Variants in CASK observed in about 807,000 individuals in gnomAD.
The protein encoded by CASK is calcium/calmodulin dependent serine protein kinase, also known as peripheral plasma membrane protein CASK.
Under a neutral mutation model 82.9 loss-of-function variants are expected in CASK, and 4 were observed. The observed-to-expected ratio is 0.05, with a 90% CI of 0.02 to 0.11. CASK has a LOEUF of 0.11. CASK is among the 10% of genes least tolerant of loss of function. The probability of loss-of-function intolerance (pLI) is 1.00; values close to 1 mark genes in which losing one functional copy is unlikely to be tolerated. For missense variants in CASK, 358 were observed against 720.9 expected, an observed-to-expected ratio of 0.50 and a Z score of 5.76; for synonymous variants, 259 against 253.5, an observed-to-expected ratio of 1.02 and a Z score of -0.20.
intron 1 of CASK, among the ~76,000 whole-genome samples, chrX:41,916,696 AT>A (rs1358501024): frequency 8.9e-6 from 1 of 111,817 alleles, no homozygotes; most frequent in Non-Finnish European, 1.9e-5. Context: ...CAATCTCCGT[AT>A]TTTTATCACA....
chrX:41,683,318 C>A (rs1474457309), intron 5 of CASK: 1 of 111,202 alleles, frequency 9.0e-6, no homozygotes, highest in South Asian at 3.9e-4. Context: ...GGTGGTACCC[C>A]CCTCCCGGGA....
chrX:41,788,094 T>C (rs2069649739), intron 2 of CASK, among the ~76,000 whole-genome samples: 1 of 105,381 alleles, frequency 9.5e-6, no homozygotes, highest in Admixed American at 1.0e-4. Context: ...GAGGCAGAAG[T>C]TGCAGTGAGC....
intron 1 of CASK, among the ~76,000 whole-genome samples, chrX:41,885,777 G>A (rs748658131): frequency 1.8e-5 from 2 of 111,761 alleles, no homozygotes; most frequent in East Asian, 5.6e-4. Flanking sequence ...CCAGGGTGGA[G>A]GGAGCACAAA....
intron 1 of CASK, among the ~76,000 whole-genome samples, chrX:41,861,597 T>C (rs1354577363): frequency 1.9e-5 from 2 of 107,277 alleles, no homozygotes; most frequent in African/African-American, 6.8e-5. Flanking sequence ...TTTACCTCAT[T>C]TCCCCAATGA....
intron 9 of CASK, among the ~76,000 whole-genome samples, chrX:41,627,295 A>G (rs1444020648): frequency 6.2e-5 from 7 of 112,421 alleles, no homozygotes. Flanking sequence ...AGCTATATGC[A>G]TAGCCTCCCC....
At chrX:41,805,981 C>T (rs2070115471) in intron 2 of CASK, among the ~76,000 whole-genome samples, 1 of 111,506 alleles carries the variant, frequency 9.0e-6, no homozygotes. Flanking sequence ...GGCTAGTACC[C>T]CCACAGCCCC....
intron 3 of CASK, among the ~76,000 whole-genome samples, chrX:41,753,904 A>C (rs977326129): frequency 5.4e-5 from 6 of 111,986 alleles, no homozygotes; most frequent in Non-Finnish European, 9.4e-5. Flanking sequence ...TAAATAAATA[A>C]ATTTTAAAGC....
intron 1 of CASK, among the ~76,000 whole-genome samples, chrX:41,862,601 C>T (rs993829872): frequency 9.6e-6 from 1 of 104,674 alleles, no homozygotes; most frequent in Non-Finnish European, 2.0e-5. Flanking sequence ...TTTGGTACTG[C>T]TAGCATGAAA....
At chrX:41,666,261 T>C (rs1357453429) in intron 6 of CASK, among the ~76,000 whole-genome samples, 1 of 112,063 alleles carries the variant, frequency 8.9e-6, no homozygotes, top group East Asian at 2.8e-4. Context: ...GTAAGGAATC[T>C]GATACTAGCT....
At chrX:41,541,616 A>G (rs1258058453) in intron 22 of CASK, among the ~76,000 whole-genome samples, 1 of 112,519 alleles carries the variant, frequency 8.9e-6, no homozygotes, top group Admixed American at 9.4e-5. Context: ...ACTCACATTC[A>G]TTCCACATTA....
At chrX:41,777,467 C>T (rs887501953) in intron 3 of CASK, among the ~76,000 whole-genome samples, 4 of 99,014 alleles carry the variant, frequency 4.0e-5, no homozygotes, top group Non-Finnish European at 8.0e-5. Flanking sequence ...CCAGCCTGGG[C>T]GACAGAGCGA....
intron 3 of CASK, among the ~76,000 whole-genome samples, chrX:41,750,411 T>C (rs1363959497): frequency 8.9e-6 from 1 of 111,857 alleles, no homozygotes; most frequent in African/African-American, 3.2e-5. Flanking sequence ...TCTCTTTGGC[T>C]TCCCATCTTG....
intron 20 of CASK, among the ~76,000 whole-genome samples, chrX:41,554,858 T>C (rs1398598628): frequency 2.7e-5 from 3 of 112,230 alleles, no homozygotes; most frequent in Non-Finnish European, 5.6e-5. Flanking sequence ...TATTTCAAGA[T>C]AAAAATCCCA....
At chrX:41,821,882 A>G (rs747784200) in intron 2 of CASK, among the ~76,000 whole-genome samples, 69 of 112,019 alleles carry the variant, frequency 6.2e-4, no homozygotes, top group African/African-American at 2.2e-3. Context: ...AAAGTCTCTC[A>G]GTCAACAGCC....
At position 41,711,275 on chromosome X, in the gene CASK, T is replaced by C. The variant is rs150827645; in HGVS notation, c.429+28109A>G. On this transcript the variant is annotated intron_variant, in intron 5 of 26. Coordinates refer to ENST00000378163, the MANE Select transcript of CASK (RefSeq NM_001367721.1). ...AGCTGGTGTCAACTGCAGAATTGCT[T>C]GCTTGCTTGTTGGTTGGGGAGAAAT... 3.9e-3 allele frequency among the ~76,000 whole-genome samples: 438 copies of C among 111,996 alleles called. 2 individuals are homozygous for C. Among genetic ancestry groups the C allele is most frequent in the African/African-American group, 0.014 (425 of 30,871 alleles).
chrX:41,817,738 T>C (rs1162284859), intron 2 of CASK, among the ~76,000 whole-genome samples: 1 of 111,180 alleles, frequency 9.0e-6, no homozygotes, highest in Non-Finnish European at 1.9e-5. Flanking sequence ...TGTATTTATA[T>C]ATTCCAGAAG....
intron 1 of CASK, among the ~76,000 whole-genome samples, chrX:41,893,600 T>C (rs1167211875): frequency 9.0e-6 from 1 of 111,650 alleles, no homozygotes; most frequent in Non-Finnish European, 1.9e-5. Flanking sequence ...AAGCAGAAAG[T>C]GAAAGCCAAG....
chrX:41,728,139 A>G, intron 5 of CASK: 1 of 393,914 alleles, frequency 2.5e-6, no homozygotes, highest in Non-Finnish European at 4.3e-6. Context: ...GTTGACAATA[A>G]TCACCAAGAA....
At chrX:41,533,683 G>T (rs1159703585) in intron 24 of CASK, among the ~76,000 whole-genome samples, 1 of 111,902 alleles carries the variant, frequency 8.9e-6, no homozygotes, top group African/African-American at 3.3e-5. Flanking sequence ...TTTTGAGACG[G>T]AGTTTCACTC....
Sources: gnomAD v4.1 joint callset for allele counts (sites outside exome capture counted in the v4.1 genomes callset) on GRCh38, gnomAD v4.1.1 for gene constraint, MANE v1.5 for transcripts, NCBI Gene and HGNC (gene_info 2026-07-23, HGNC 2026-07-21) for gene names.